TMEM132D: variants seen among roughly 807,000 people sequenced by gnomAD.
TMEM132D encodes the protein transmembrane protein 132D.
A neutral mutation model predicts 62.3 loss-of-function variants in TMEM132D; 21 were observed. That is an observed-to-expected ratio of 0.34 (90% CI 0.24 to 0.49). The LOEUF is 0.49. Among genes scored for constraint, TMEM132D ranks in the 20% least tolerant of loss-of-function variants. The pLI is 0.99. For synonymous variants in TMEM132D, 621 were observed against 575.6 expected, an observed-to-expected ratio of 1.08 and a Z score of -1.13; for missense variants, 1,346 against 1,402.8, an observed-to-expected ratio of 0.96 and a Z score of 0.65.
intron 2 of TMEM132D, among the ~76,000 whole-genome samples, chr12:129,620,281 C>T (rs142491582): frequency 7.9e-5 from 12 of 152,306 alleles, no homozygotes; most frequent in African/African-American, 2.6e-4. Context: ...ATTCTCCACA[C>T]AGAAGCCAAA....
intron 3 of TMEM132D, among the ~76,000 whole-genome samples, chr12:129,406,232 T>C (rs568002520): frequency 6.6e-6 from 1 of 152,338 alleles, no homozygotes; most frequent in Admixed American, 6.5e-5. Flanking sequence ...TTGTAAGTAG[T>C]CTTCAAGACG....
At position 129,081,739 on chromosome 12, in the gene TMEM132D, ATTTTTT is replaced by A. The variant is rs34663182; in HGVS notation, c.1923+14_1923+19del. ...AAGACAGAGAGATCTTGATTTGGGGATTTTTTTTTTTTTTTTTACCTGAATGGTGGT... is the reference window on the plus strand; with the variant it reads ...AAGACAGAGAGATCTTGATTTGGGGATTTTTTTTTTTACCTGAATGGTGGT... On this transcript the variant is annotated intron_variant, in intron 7 of 8. Coordinates refer to ENST00000422113, the MANE Select transcript of TMEM132D (RefSeq NM_133448.3). 3.4e-6 allele frequency: 5 copies of A among 1,481,944 alleles called. No individual in the cohort carries two copies. Among genetic ancestry groups the A allele is most frequent in the African/African-American group, 1.5e-5 (1 of 68,386 alleles). 91.8% of individuals were successfully genotyped at this position (1,481,944 alleles called of 1,614,324 possible).
intron 2 of TMEM132D, among the ~76,000 whole-genome samples, chr12:129,597,178 TTGG>T (rs762024855): frequency 3.3e-5 from 5 of 152,164 alleles, no homozygotes; most frequent in Non-Finnish European, 7.3e-5. Flanking sequence ...CCACAGTTGG[TTGG>T]ATCCACAGAC....
chr12:129,352,061 G>A (rs564801593), intron 3 of TMEM132D, among the ~76,000 whole-genome samples: 18 of 152,284 alleles, frequency 1.2e-4, no homozygotes, highest in East Asian at 9.7e-4. Context: ...GAACCAGAGC[G>A]ACTCCATCTT....
intron 4 of TMEM132D, among the ~76,000 whole-genome samples, chr12:129,276,068 A>G (rs1880998996): frequency 6.6e-6 from 1 of 151,602 alleles, no homozygotes; most frequent in South Asian, 2.1e-4. Context: ...TTTTCTCAAG[A>G]CAGAAGCAGG....
At chr12:129,448,023 G>C (rs1037076585) in intron 3 of TMEM132D, among the ~76,000 whole-genome samples, 2 of 152,126 alleles carry the variant, frequency 1.3e-5, no homozygotes, top group Non-Finnish European at 2.9e-5. Context: ...CGTTTTCAGC[G>C]TAGTGCTTGG....
In TMEM132D at chr12:129,192,160, C is replaced by T. The variant is rs77679264; in HGVS notation, c.1443+17360G>A. Among the ~76,000 whole-genome samples, 615 of 152,240 alleles carry T rather than the reference C, an allele frequency of 4.0e-3. 2 individuals carry two copies. The highest frequency in any genetic ancestry group is 0.014 in the African/African-American group (574 of 41,538). On this transcript the variant is annotated intron_variant, in intron 5 of 8. Coordinates refer to ENST00000422113, the MANE Select transcript of TMEM132D (RefSeq NM_133448.3). ...GAATGGTTCCTACTACCTTGACCTG[C>T]GTCTGCACTCACTGGGGAGGTCTGG... is the stretch of plus-strand genomic sequence containing the variant.
At chr12:129,442,890 C>T (rs974756311) in intron 3 of TMEM132D, among the ~76,000 whole-genome samples, 8 of 152,126 alleles carry the variant, frequency 5.3e-5, no homozygotes, top group Non-Finnish European at 1.0e-4. Flanking sequence ...GCCGAGGTCA[C>T]TCCTGTAGGA....
At chr12:129,870,595 T>TCTC (rs1874210695) in intron 1 of TMEM132D, among the ~76,000 whole-genome samples, 1 of 152,172 alleles carries the variant, frequency 6.6e-6, no homozygotes, top group African/African-American at 2.4e-5. Context: ...GCCCTAGCTA[T>TCTC]CTCCTCCATG....
At chr12:129,681,138 G>C (rs1409434950) in intron 2 of TMEM132D, among the ~76,000 whole-genome samples, 1 of 152,206 alleles carries the variant, frequency 6.6e-6, no homozygotes, top group Non-Finnish European at 1.5e-5. Context: ...ATAGATTGAA[G>C]ACAGACCACC....
chr12:129,790,588 C>G (rs1301373151), intron 1 of TMEM132D, among the ~76,000 whole-genome samples: 1 of 152,174 alleles, frequency 6.6e-6, no homozygotes, highest in African/African-American at 2.4e-5. Flanking sequence ...CCTCTGCTCT[C>G]CATAAGTGGA....
At chr12:129,332,643 A>T (rs1433811543) in intron 4 of TMEM132D, among the ~76,000 whole-genome samples, 28 of 152,120 alleles carry the variant, frequency 1.8e-4, no homozygotes, top group Non-Finnish European at 4.4e-5. Context: ...TTTGTCTTGG[A>T]TATAATTAGA....
intron 3 of TMEM132D, among the ~76,000 whole-genome samples, chr12:129,469,769 C>T (rs1187518942): frequency 6.6e-6 from 1 of 152,136 alleles, no homozygotes; most frequent in Non-Finnish European, 1.5e-5. Context: ...TGTCCTTTGT[C>T]GTCTCTGTTG....
At chr12:129,151,736 T>A (rs1208692074) in intron 5 of TMEM132D, among the ~76,000 whole-genome samples, 6 of 152,198 alleles carry the variant, frequency 3.9e-5, no homozygotes, top group Admixed American at 3.9e-4. Context: ...CAGAGGGCTT[T>A]CCAGATGTTG....
intron 1 of TMEM132D, among the ~76,000 whole-genome samples, chr12:129,730,090 C>T (rs2137251294): frequency 6.6e-6 from 1 of 152,294 alleles, no homozygotes; most frequent in Non-Finnish European, 1.5e-5. Context: ...GAATAAACAG[C>T]CTTGTTGCTC....
At chr12:129,380,828 C>A (rs1185754957) in intron 3 of TMEM132D, among the ~76,000 whole-genome samples, 1 of 152,114 alleles carries the variant, frequency 6.6e-6, no homozygotes. Flanking sequence ...AGTATGTAAC[C>A]TTTTAGAACT....
chr12:129,507,759 T>C (rs1875379520), intron 3 of TMEM132D, among the ~76,000 whole-genome samples: 1 of 152,178 alleles, frequency 6.6e-6, no homozygotes, highest in Non-Finnish European at 1.5e-5. Flanking sequence ...GAGTGCAGTG[T>C]ATACTGCTCG....
intron 5 of TMEM132D, among the ~76,000 whole-genome samples, chr12:129,145,638 C>T (rs570212456): frequency 1.3e-5 from 2 of 152,150 alleles, no homozygotes; most frequent in East Asian, 1.9e-4. Flanking sequence ...TCTGGATGTC[C>T]CCAAGGCACC....
At chr12:129,249,498 C>T (rs888586208) in intron 4 of TMEM132D, among the ~76,000 whole-genome samples, 2 of 152,308 alleles carry the variant, frequency 1.3e-5, no homozygotes, top group African/African-American at 4.8e-5. Context: ...AATGAGGTGG[C>T]AGGTACTTGG....
Sources: allele counts gnomAD v4.1 joint callset (sites outside exome capture counted in the v4.1 genomes callset), GRCh38; gene constraint gnomAD v4.1.1; transcripts MANE v1.5; gene names NCBI Gene and HGNC (gene_info 2026-07-23, HGNC 2026-07-21).